The following PTK2 variants were observed in gnomAD, a reference collection of about 807,000 sequenced individuals.
PTK2 encodes focal adhesion kinase 1.
Under a neutral mutation model 150.1 loss-of-function variants are expected in PTK2, and 45 were observed. The observed-to-expected ratio is 0.30, with a 90% CI of 0.24 to 0.38. PTK2 has a LOEUF of 0.38. Ranked by LOEUF, PTK2 falls within the 10% of genes least tolerant of loss-of-function variation. The pLI is 1.00. For missense variants in PTK2, 919 were observed against 1,307.3 expected (o/e 0.70, Z 4.58); for synonymous variants, 432 against 449.2 (o/e 0.96, Z 0.48).
At chr8:140,900,500 T>C (rs902770718) in intron 2 of PTK2, among the ~76,000 whole-genome samples, 1 of 151,984 alleles carries the variant, frequency 6.6e-6, no homozygotes, top group Non-Finnish European at 1.5e-5. Context: ...GGCAGGCGTA[T>C]CACTAGAGGC....
intron 23 of PTK2, 133 bp downstream of exon 26, chr8:140,717,461 CAATT>C (rs1245549313): frequency 2.7e-5 from 18 of 657,984 alleles, no homozygotes; most frequent in African/African-American, 1.6e-4. Context: ...AAAAAGGAAA[CAATT>C]AGTTGGTGTT....
intron 27 of PTK2, among the ~76,000 whole-genome samples, chr8:140,683,772 GA>G (rs55861612): frequency 0.43 from 62,465 of 145,242 alleles, 13,599 homozygotes; most frequent in Non-Finnish European, 0.48. Flanking sequence ...CTCAATAGAT[GA>G]AAAAAAAAAA....
intron 2 of PTK2, among the ~76,000 whole-genome samples, chr8:140,902,325 G>A (rs1051743044): frequency 2.0e-5 from 3 of 152,156 alleles, no homozygotes; most frequent in African/African-American, 4.8e-5. Context: ...GTGAGCCACC[G>A]TGCCCAGCCA....
intron 26 of PTK2, 87 bp downstream of exon 29, chr8:140,700,804 G>C: frequency 4.0e-6 from 6 of 1,499,916 alleles, no homozygotes; most frequent in Non-Finnish European, 5.4e-6. Flanking sequence ...CTCCTGCTTT[G>C]AAAGATAACA....
chr8:140,905,769 A>C (rs1170563313), intron 2 of PTK2, among the ~76,000 whole-genome samples: 1 of 152,164 alleles, frequency 6.6e-6, no homozygotes, highest in Non-Finnish European at 1.5e-5. Flanking sequence ...AACATAATTG[A>C]AAGTAAAATA....
chr8:140,883,822 T>G (rs931305361), intron 3 of PTK2, among the ~76,000 whole-genome samples: 1 of 152,036 alleles, frequency 6.6e-6, no homozygotes, highest in South Asian at 2.1e-4. Flanking sequence ...CACCACAAAC[T>G]TGGGAGCTTA....
At chr8:140,902,802 GTTGT>G (rs1697624931) in intron 2 of PTK2, among the ~76,000 whole-genome samples, 1 of 151,414 alleles carries the variant, frequency 6.6e-6, no homozygotes, top group Non-Finnish European at 1.5e-5. Flanking sequence ...TTTTGGTGGG[GTTGT>G]TTTTTTCTTG....
chr8:140,658,969 G>A, exon 32 of PTK2: 1 of 224,874 alleles, frequency 4.4e-6, no homozygotes, highest in Non-Finnish European at 8.9e-6. Flanking sequence ...TTAGCATATT[G>A]CAACTGAAGG....
At chr8:140,925,357 A>G (rs1289242999) in intron 2 of PTK2, among the ~76,000 whole-genome samples, 1 of 152,212 alleles carries the variant, frequency 6.6e-6, no homozygotes, top group Admixed American at 6.5e-5. Context: ...TCCAATTAGC[A>G]CTTGATAATT....
At chr8:140,790,083 A>G (rs1444707638) in intron 13 of PTK2, among the ~76,000 whole-genome samples, 1 of 152,152 alleles carries the variant, frequency 6.6e-6, no homozygotes, top group East Asian at 1.9e-4. Context: ...TTACATATTT[A>G]CCCACAAAAA....
intron 2 of PTK2, chr8:140,920,715 T>C (rs1603081269): frequency 1.3e-5 from 15 of 1,167,638 alleles, no homozygotes; most frequent in African/African-American, 8.1e-5. Context: ...AATTTAACTG[T>C]AAATATATTG....
At chr8:140,708,655 C>G (rs375279495) in intron 23 of PTK2, among the ~76,000 whole-genome samples, 2 of 152,074 alleles carry the variant, frequency 1.3e-5, no homozygotes, top group Admixed American at 6.6e-5. Context: ...CCAAAAACAC[C>G]CCAAACAGGA....
At chr8:140,867,183 T>C (rs1271033049) in intron 4 of PTK2, among the ~76,000 whole-genome samples, 1 of 151,930 alleles carries the variant, frequency 6.6e-6, no homozygotes, top group Non-Finnish European at 1.5e-5. Flanking sequence ...CACAGAGAAA[T>C]GACATCACAG....
chr8:140,835,375 G>A (rs1051678848), intron 7 of PTK2, among the ~76,000 whole-genome samples: 5 of 152,056 alleles, frequency 3.3e-5, no homozygotes, highest in Non-Finnish European at 7.4e-5. Flanking sequence ...TAAAACCCAG[G>A]CAAAAATGCA....
chr8:140,682,997 A>C (rs1200169321), intron 27 of PTK2, among the ~76,000 whole-genome samples: 1 of 152,234 alleles, frequency 6.6e-6, no homozygotes, highest in Non-Finnish European at 1.5e-5. Flanking sequence ...AGAGATACCC[A>C]AAATCAGAGC....
intron 12 of PTK2, among the ~76,000 whole-genome samples, chr8:140,798,276 C>T (rs187457113): frequency 1.3e-5 from 2 of 152,262 alleles, no homozygotes; most frequent in East Asian, 3.9e-4. Context: ...CTATAATCCA[C>T]TAAAGATGTT....
chr8:140,877,551 G>A (rs1445390565), intron 4 of PTK2, among the ~76,000 whole-genome samples: 1 of 152,094 alleles, frequency 6.6e-6, no homozygotes, highest in Non-Finnish European at 1.5e-5. Context: ...CCTAGGGTTT[G>A]GGGACAGTTA....
intron 14 of PTK2, 83 bp downstream of exon 15, chr8:140,770,633 T>A: frequency 1.6e-6 from 1 of 606,880 alleles, no homozygotes; most frequent in Non-Finnish European, 2.4e-6. Flanking sequence ...CTGTTCAGGA[T>A]AATCTATAAG....
intron 1 of PTK2, among the ~76,000 whole-genome samples, chr8:140,948,190 A>C (rs1293487987): frequency 6.6e-6 from 1 of 152,242 alleles, no homozygotes. Flanking sequence ...AAACAAAGAG[A>C]AAAACTGGCC....
Sources: gnomAD v4.1 joint callset for allele counts (sites outside exome capture counted in the v4.1 genomes callset) on GRCh38, gnomAD v4.1.1 for gene constraint, MANE v1.5 for transcripts, NCBI Gene and HGNC (gene_info 2026-07-23, HGNC 2026-07-21) for gene names.